ADK: variants seen among roughly 807,000 people sequenced by gnomAD.
The protein encoded by ADK is N6,N6-dimethyladenosine kinase.
Under a neutral mutation model 44.7 loss-of-function variants are expected in ADK, and 24 were observed. The ratio of observed to expected loss-of-function variants is 0.54; its 90% CI spans 0.39 to 0.76. The LOEUF (loss-of-function observed/expected upper bound fraction) is 0.76, where lower values mean the gene tolerates loss of function less well. ADK is among the 30% of genes least tolerant of loss of function. The pLI is 0.00. For synonymous variants in ADK, 128 were observed against 142.6 expected, an observed-to-expected ratio of 0.90 and a Z score of 0.73; for missense variants, 321 against 425.1, an observed-to-expected ratio of 0.76 and a Z score of 2.15.
chr10:74,600,349 T>G, intron 8 of ADK, 30 bp from the exon 9 acceptor site: 3 of 1,444,498 alleles, frequency 2.1e-6, no homozygotes, highest in South Asian at 1.2e-5. Context: ...TTATTGGTCA[T>G]GAGAATTTTT....
intron 7 of ADK, among the ~76,000 whole-genome samples, chr10:74,579,366 A>G (rs2133888668): frequency 6.6e-6 from 1 of 152,302 alleles, no homozygotes; most frequent in Admixed American, 6.5e-5. Flanking sequence ...TGAATATGGC[A>G]GGATCCTTTA....
At chr10:74,548,577 C>G (rs1010635051) in intron 7 of ADK, among the ~76,000 whole-genome samples, 10 of 152,034 alleles carry the variant, frequency 6.6e-5, no homozygotes, top group African/African-American at 2.2e-4. Context: ...TATCTGGCAA[C>G]CCTACCAGTG....
At chr10:74,630,543 C>A (rs1284641368) in intron 9 of ADK, among the ~76,000 whole-genome samples, 1 of 151,978 alleles carries the variant, frequency 6.6e-6, no homozygotes, top group Admixed American at 6.6e-5. Context: ...TCAGATTATG[C>A]ATTTTTGGCA....
intron 9 of ADK, among the ~76,000 whole-genome samples, chr10:74,624,864 G>A (rs7072529): frequency 6.6e-6 from 1 of 151,970 alleles, no homozygotes; most frequent in East Asian, 1.9e-4. Context: ...TTTTGGCTGT[G>A]TTTATTTCTA....
intron 6 of ADK, among the ~76,000 whole-genome samples, chr10:74,416,626 A>T (rs1844384799): frequency 6.7e-6 from 1 of 149,442 alleles, no homozygotes; most frequent in African/African-American, 2.5e-5. Context: ...TAACTTTCCC[A>T]TTTTCCCTTA....
intron 7 of ADK, chr10:74,530,603 C>T (rs1849244839): frequency 6.6e-6 from 1 of 152,138 alleles, no homozygotes; most frequent in South Asian, 2.1e-4. Context: ...CCAGCTAACT[C>T]CTTGGAGATA....
At chr10:74,264,147 A>T (rs1846137179) in intron 3 of ADK, among the ~76,000 whole-genome samples, 1 of 152,250 alleles carries the variant, frequency 6.6e-6, no homozygotes, top group Non-Finnish European at 1.5e-5. Context: ...TTCCATTATC[A>T]TAAAAAGTTT....
intron 9 of ADK, chr10:74,656,082 A>G: frequency 2.4e-6 from 1 of 422,794 alleles, no homozygotes; most frequent in South Asian, 3.0e-5. Context: ...TGTGAAGCAC[A>G]AACTTCTGTG....
chr10:74,610,974 G>A (rs1160579500), intron 9 of ADK, among the ~76,000 whole-genome samples: 1 of 151,950 alleles, frequency 6.6e-6, no homozygotes, highest in Non-Finnish European at 1.5e-5. Context: ...GTTCTGAATT[G>A]GAAATAATGT....
intron 3 of ADK, among the ~76,000 whole-genome samples, chr10:74,280,398 G>A (rs982012461): frequency 3.5e-5 from 4 of 112,800 alleles, no homozygotes; most frequent in African/African-American, 6.7e-5. Flanking sequence ...CACCGCGCCC[G>A]GCCTTAAACA....
chr10:74,203,551 G>A (rs1843474382), intron 2 of ADK, among the ~76,000 whole-genome samples: 1 of 151,720 alleles, frequency 6.6e-6, no homozygotes, highest in Non-Finnish European at 1.5e-5. Context: ...GTATAAACAG[G>A]GTCTCCTTAT....
chr10:74,568,006 C>T (rs1348144318), intron 7 of ADK, among the ~76,000 whole-genome samples: 1 of 152,042 alleles, frequency 6.6e-6, no homozygotes, highest in African/African-American at 2.4e-5. Context: ...GCCCTATTCT[C>T]TCTCTTTTTA....
intron 4 of ADK, among the ~76,000 whole-genome samples, chr10:74,331,161 A>G (rs940279689): frequency 2.0e-5 from 3 of 152,232 alleles, no homozygotes; most frequent in African/African-American, 7.2e-5. Flanking sequence ...CTGGTATAAA[A>G]CTAGATAATA....
At chr10:74,423,119 CAG>C (rs1192281359) in intron 6 of ADK, among the ~76,000 whole-genome samples, 1 of 152,096 alleles carries the variant, frequency 6.6e-6, no homozygotes, top group Non-Finnish European at 1.5e-5. Context: ...GTGAGGGGAA[CAG>C]AAGCATGTGG....
At chr10:74,514,597 C>T (rs1018091292) in intron 6 of ADK, among the ~76,000 whole-genome samples, 7 of 151,930 alleles carry the variant, frequency 4.6e-5, no homozygotes, top group African/African-American at 1.7e-4. Context: ...AGGATTTCTG[C>T]TTCATTCTTT....
chr10:74,256,418 C>T (rs2132354127), intron 3 of ADK, among the ~76,000 whole-genome samples: 1 of 152,206 alleles, frequency 6.6e-6, no homozygotes, highest in East Asian at 1.9e-4. Flanking sequence ...GAATGCTCTT[C>T]GTCTTTAGTG....
At chr10:74,655,090 G>T in intron 9 of ADK, 1 of 257,918 alleles carries the variant, frequency 3.9e-6, no homozygotes, top group East Asian at 1.1e-4. Flanking sequence ...ATCCGCTCTG[G>T]GAACCTTACC....
intron 1 of ADK, among the ~76,000 whole-genome samples, chr10:74,161,286 T>G (rs1028940167): frequency 1.3e-5 from 2 of 152,072 alleles, no homozygotes; most frequent in African/African-American, 4.8e-5. Context: ...ACTGCAACAT[T>G]CACCTCTCAG....
intron 6 of ADK, among the ~76,000 whole-genome samples, chr10:74,503,688 T>C (rs770067717): frequency 2.6e-5 from 4 of 152,132 alleles, no homozygotes; most frequent in Non-Finnish European, 4.4e-5. Context: ...AGAAAAATTA[T>C]TATTTATACA....
Sources: allele counts gnomAD v4.1 joint callset (sites outside exome capture counted in the v4.1 genomes callset), GRCh38; gene constraint gnomAD v4.1.1; transcripts MANE v1.5; gene names NCBI Gene and HGNC (gene_info 2026-07-23, HGNC 2026-07-21).